CFAP54: variants seen among roughly 807,000 people sequenced by gnomAD.
CFAP54 encodes the protein cilia and flagella associated protein 54, also known as cilia- and flagella-associated protein 54.
Under a neutral mutation model 370.4 loss-of-function variants are expected in CFAP54, and 290 were observed. The observed-to-expected ratio is 0.78, with a 90% CI of 0.71 to 0.86. CFAP54 has a LOEUF of 0.86. Among genes scored for constraint, CFAP54 ranks in the 40% least tolerant of loss-of-function variants. The pLI is 0.00. For synonymous variants in CFAP54, 1,206 were observed against 1,236.5 expected, an observed-to-expected ratio of 0.98 and a Z score of 0.52; for missense variants, 3,399 against 3,528.7, an observed-to-expected ratio of 0.96 and a Z score of 0.93.
At chr12:96,550,532 G>T (rs755148133) in intron 15 of CFAP54, among the ~76,000 whole-genome samples, 3 of 152,062 alleles carry the variant, frequency 2.0e-5, no homozygotes, top group Admixed American at 2.0e-4. Context: ...AGCCAAGATC[G>T]CACCACTGCA....
intron 66 of CFAP54, among the ~76,000 whole-genome samples, chr12:96,842,600 A>C (rs1303903564): frequency 6.6e-6 from 1 of 152,114 alleles, no homozygotes; most frequent in Admixed American, 6.6e-5. Context: ...TTGATGAACA[A>C]AAAAAAATTA....
intron 2 of CFAP54, among the ~76,000 whole-genome samples, chr12:96,503,080 T>TTCTCTC (rs138111630): frequency 1.4e-5 from 2 of 138,004 alleles, no homozygotes; most frequent in Non-Finnish European, 3.0e-5. Context: ...CTTTCTTTCT[T>TTCTCTC]TCTCTTTCTT....
chr12:96,824,299 C>T lies in CFAP54; in HGVS notation c.9097-4715C>T, dbSNP rs191426971. Among the ~76,000 whole-genome samples, 346 of 152,190 alleles carry T rather than the reference C, an allele frequency of 2.3e-3. 1 individual carries two copies. The highest frequency in any genetic ancestry group is 7.8e-3 in the African/African-American group (324 of 41,534). On this transcript the variant is annotated intron_variant, in intron 65 of 67. Transcript: ENST00000524981. ...TGTATGCGGTTTACCTCAAGTAATG[C>T]CAGATTAAAAGGATGTCATTCAAGC...
At chr12:96,577,130 T>A (rs1302964874) in intron 20 of CFAP54, among the ~76,000 whole-genome samples, 1 of 152,184 alleles carries the variant, frequency 6.6e-6, no homozygotes, top group Admixed American at 6.5e-5. Context: ...GGGTAGAAGT[T>A]ACTTCAGAGC....
intron 66 of CFAP54, among the ~76,000 whole-genome samples, chr12:96,832,649 T>C (rs1010513100): frequency 8.5e-5 from 13 of 152,224 alleles, no homozygotes; most frequent in Non-Finnish European, 1.6e-4. Flanking sequence ...ATTCATCCCC[T>C]AGTCAACTAG....
At position 96,691,283 on chromosome 12, in the gene CFAP54, A is replaced by T. The variant is rs201010750; in HGVS notation, c.6237A>T (p.Glu2079Asp). Residue 2079 changes from glutamate (E) to aspartate (D), a missense_variant, in exon 44 of 68, where the codon GAA becomes GAT. Physicochemically the swap from Glu to Asp is conservative, Grantham distance 45. Coordinates refer to ENST00000524981, the MANE Select transcript of CFAP54 (RefSeq NM_001306084.2). The part of the protein sequence containing the change: ...VIASLYYIIR[E>D]LHFVRQNLIV... Reference sequence around the variant, plus strand: ...CAAGTCTGTATTACATTATACGTGAACTGCACTTTGTTAGGCAAAACCTAA... The same window carrying T: ...CAAGTCTGTATTACATTATACGTGATCTGCACTTTGTTAGGCAAAACCTAA... 2.2e-5 allele frequency: 35 copies of T among 1,597,750 alleles called. No individual in the cohort carries two copies. The highest frequency in any genetic ancestry group is 3.0e-5 in the Non-Finnish European group (35 of 1,175,110).
intron 67 of CFAP54, among the ~76,000 whole-genome samples, chr12:96,873,785 C>T (rs755981158): frequency 6.6e-5 from 10 of 152,172 alleles, no homozygotes; most frequent in East Asian, 1.9e-4. Context: ...TTTTCATGTG[C>T]CATGAAATAT....
chr12:96,544,416 C>A (rs1211986665), intron 14 of CFAP54, among the ~76,000 whole-genome samples: 1 of 55,714 alleles, frequency 1.8e-5, no homozygotes, highest in Non-Finnish European at 5.2e-5. Flanking sequence ...GAATATCTCT[C>A]TCTCTCTCTC....
intron 39 of CFAP54, among the ~76,000 whole-genome samples, chr12:96,673,312 C>G (rs1048405390): frequency 6.6e-6 from 1 of 152,156 alleles, no homozygotes; most frequent in African/African-American, 2.4e-5. Context: ...GCTACCTGGC[C>G]TCTTCTCCGT....
chr12:96,700,259 C>T (rs1257743711), intron 46 of CFAP54, among the ~76,000 whole-genome samples, 166 bp downstream of exon 46: 8 of 152,104 alleles, frequency 5.3e-5, no homozygotes, highest in African/African-American at 1.9e-4. Flanking sequence ...TTTCATTTGT[C>T]TGGGTTGGAA....
chr12:96,695,507 C>T (rs1204915248), intron 45 of CFAP54, among the ~76,000 whole-genome samples: 1 of 152,152 alleles, frequency 6.6e-6, no homozygotes, highest in South Asian at 2.1e-4. Context: ...TTACTGAACT[C>T]TTATGAGTTC....
At chr12:96,755,826 C>T (rs1388941146) in intron 56 of CFAP54, among the ~76,000 whole-genome samples, 1 of 151,818 alleles carries the variant, frequency 6.6e-6, no homozygotes, top group African/African-American at 2.4e-5. Flanking sequence ...CACCACCATG[C>T]CAGGCTAATT....
intron 26 of CFAP54, among the ~76,000 whole-genome samples, chr12:96,606,578 G>A (rs1357426294): frequency 6.6e-6 from 1 of 152,158 alleles, no homozygotes; most frequent in Non-Finnish European, 1.5e-5. Flanking sequence ...TTGTTTTAAG[G>A]TAAAGAGATG....
In CFAP54 at chr12:96,598,654, A is replaced by G. The variant is rs544615705; in HGVS notation, c.3526A>G (p.Lys1176Glu). Residue 1176 changes from lysine (K) to glutamate (E), a missense_variant, in exon 26 of 68, where the codon AAG (lysine) becomes GAG (glutamate). By Grantham distance (56) the Lys-to-Glu change is moderately conservative. Coordinates refer to ENST00000524981, the MANE Select transcript of CFAP54 (RefSeq NM_001306084.2). ...VLVPVVQILI[K>E]CIVVLQGLPS... is the part of the protein sequence containing the mutation. ...TGATTCTAATTTTTAGATCCTGATA[A>G]AGTGTATAGTGGTTTTGCAAGGACT... The G allele has an allele frequency of 3.5e-5, 22 of 626,546 alleles. No individual in the cohort carries two copies. Among genetic ancestry groups the G allele is most frequent in the Non-Finnish European group, 6.1e-5 (21 of 346,578 alleles). 38.8% of individuals were successfully genotyped at this position (626,546 alleles called of 1,614,324 possible).
intron 34 of CFAP54, among the ~76,000 whole-genome samples, chr12:96,649,034 TC>T (rs1363972481): frequency 2.6e-5 from 4 of 152,314 alleles, no homozygotes; most frequent in African/African-American, 9.6e-5. Context: ...AAAATTTATT[TC>T]TAATGCCTTT....
At chr12:96,831,851 A>G (rs1350665147) in intron 66 of CFAP54, among the ~76,000 whole-genome samples, 1 of 152,142 alleles carries the variant, frequency 6.6e-6, no homozygotes, top group African/African-American at 2.4e-5. Flanking sequence ...TCATTTGGCC[A>G]TTTATGTCCT....
At position 96,804,767 on chromosome 12, in the gene CFAP54, A is replaced by T. The variant is rs77524327; in HGVS notation, c.8851-6969A>T. Among the ~76,000 whole-genome samples the T allele has an allele frequency of 6.8e-3, 1,039 of 152,296 alleles. 9 individuals are homozygous for T. The highest frequency in any genetic ancestry group is 0.023 in the African/African-American group (968 of 41,568). ...TCCTAAAATTCATATGGAACAAAAAAACAGCTGGAATAGCCAAAGCAATTC... is the reference window on the plus strand; with the variant it reads ...TCCTAAAATTCATATGGAACAAAAATACAGCTGGAATAGCCAAAGCAATTC... On this transcript the variant is annotated intron_variant, in intron 63 of 67. Transcript: ENST00000524981.
At chr12:96,489,948 G>A in intron 1 of CFAP54, 22 bp downstream of exon 1, 1 of 1,519,646 alleles carries the variant, frequency 6.6e-7, no homozygotes, top group South Asian at 1.2e-5. Context: ...CGGGGCACTG[G>A]GGAGGGCGCC....
intron 63 of CFAP54, among the ~76,000 whole-genome samples, chr12:96,804,413 G>C (rs1353786734): frequency 6.6e-6 from 1 of 152,166 alleles, no homozygotes; most frequent in East Asian, 1.9e-4. Flanking sequence ...CTCTTAGTTT[G>C]ATAGATGAAT....
Sources: gnomAD v4.1 joint callset for allele counts (sites outside exome capture counted in the v4.1 genomes callset) on GRCh38, gnomAD v4.1.1 for gene constraint, MANE v1.5 for transcripts, NCBI Gene and HGNC (gene_info 2026-07-23, HGNC 2026-07-21) for gene names.